CCSER1: variants seen among roughly 807,000 people sequenced by gnomAD.
The protein encoded by CCSER1 is coiled-coil serine rich protein 1.
Under a neutral mutation model 82.0 loss-of-function variants are expected in CCSER1, and 41 were observed. The ratio of observed to expected loss-of-function variants is 0.50; its 90% CI spans 0.39 to 0.65. CCSER1 has a LOEUF of 0.65. Among genes scored for constraint, CCSER1 ranks in the 30% least tolerant of loss-of-function variants. The pLI is 0.00. For missense variants in CCSER1, 1,119 were observed against 1,064.2 expected (o/e 1.05, Z -0.72); for synonymous variants, 414 against 383.9 (o/e 1.08, Z -0.92).
chr4:90,146,751 T>C (rs930978855), intron 1 of CCSER1, among the ~76,000 whole-genome samples: 10 of 152,124 alleles, frequency 6.6e-5, no homozygotes, highest in African/African-American at 2.4e-4. Context: ...TGAAAATTTT[T>C]CACTAGAAGA....
At chr4:90,356,511 G>T (rs997826852) in intron 3 of CCSER1, among the ~76,000 whole-genome samples, 1 of 151,572 alleles carries the variant, frequency 6.6e-6, no homozygotes, top group Non-Finnish European at 1.5e-5. Flanking sequence ...ACATTTATTA[G>T]CTATTTGACA....
chr4:90,389,433 A>C (rs1434119336), intron 3 of CCSER1, among the ~76,000 whole-genome samples: 1 of 152,224 alleles, frequency 6.6e-6, no homozygotes, highest in African/African-American at 2.4e-5. Flanking sequence ...TAACCAACAT[A>C]TTATAAAAAA....
chr4:90,305,042 T>G (rs1733996790), intron 1 of CCSER1, among the ~76,000 whole-genome samples: 1 of 151,634 alleles, frequency 6.6e-6, no homozygotes, highest in African/African-American at 2.4e-5. Context: ...TCAGCCTCCC[T>G]AGTAGCTGGG....
intron 1 of CCSER1, among the ~76,000 whole-genome samples, chr4:90,284,713 G>T (rs1729547956): frequency 6.6e-6 from 1 of 151,816 alleles, no homozygotes; most frequent in Non-Finnish European, 1.5e-5. Flanking sequence ...GGCTGGTCTT[G>T]AACTGCTGAG....
chr4:90,652,696 A>G, intron 6 of CCSER1, among the ~76,000 whole-genome samples: 1 of 152,224 alleles, frequency 6.6e-6, no homozygotes, highest in Non-Finnish European at 1.5e-5. Flanking sequence ...ACTTACAAGC[A>G]TAATGACAAG....
At chr4:91,335,761 G>A (rs1747277743) in intron 10 of CCSER1, among the ~76,000 whole-genome samples, 1 of 151,946 alleles carries the variant, frequency 6.6e-6, no homozygotes, top group African/African-American at 2.4e-5. Context: ...GAAAATGGTG[G>A]CCATTTCTTT....
At chr4:90,484,797 C>T (rs996227387) in intron 5 of CCSER1, among the ~76,000 whole-genome samples, 1 of 152,170 alleles carries the variant, frequency 6.6e-6, no homozygotes, top group Non-Finnish European at 1.5e-5. Flanking sequence ...CTGGGGGGTT[C>T]CTCCCAGTTA....
chr4:91,243,437 G>A (rs1451129454), intron 10 of CCSER1, among the ~76,000 whole-genome samples: 1 of 152,190 alleles, frequency 6.6e-6, no homozygotes, highest in Non-Finnish European at 1.5e-5. Context: ...TGCTGGCACA[G>A]CTAAGGGAGT....
At chr4:90,567,214 C>T (rs931656943) in intron 5 of CCSER1, among the ~76,000 whole-genome samples, 5 of 151,338 alleles carry the variant, frequency 3.3e-5, no homozygotes, top group East Asian at 3.9e-4. Flanking sequence ...TTTTTGATGT[C>T]GGTGTTTCTT....
chr4:90,683,852 A>G (rs1452436293), intron 6 of CCSER1, among the ~76,000 whole-genome samples: 1 of 152,156 alleles, frequency 6.6e-6, no homozygotes, highest in Non-Finnish European at 1.5e-5. Flanking sequence ...ACAATAGTCT[A>G]AAATTGTCTT....
At chr4:90,621,549 C>T (rs1442845980) in intron 5 of CCSER1, among the ~76,000 whole-genome samples, 1 of 151,172 alleles carries the variant, frequency 6.6e-6, no homozygotes, top group African/African-American at 2.4e-5. Context: ...TTTAATAGAC[C>T]TTGAACATAT....
chr4:90,376,082 CAT>C (rs1298072178), intron 3 of CCSER1, among the ~76,000 whole-genome samples: 6 of 152,112 alleles, frequency 3.9e-5, no homozygotes, highest in Non-Finnish European at 5.9e-5. Context: ...AAAACACAGT[CAT>C]ATGCATTATA....
At chr4:90,775,112 A>T (rs1249352286) in intron 7 of CCSER1, among the ~76,000 whole-genome samples, 1 of 152,150 alleles carries the variant, frequency 6.6e-6, no homozygotes, top group Non-Finnish European at 1.5e-5. Flanking sequence ...ATTGTAACAT[A>T]ATGACTCTTC....
In CCSER1 at chr4:91,312,731, T is replaced by C. The variant is rs373591786; in HGVS notation, c.2217+226737T>C. ...TTCATTGTAAGTCGAAATTTCTTAA[T>C]GGGTCCAATGTACATTATTCAGGTG... On this transcript the variant is annotated intron_variant, in intron 10 of 10. Coordinates refer to ENST00000509176, the MANE Select transcript of CCSER1 (RefSeq NM_001145065.2). Among the ~76,000 whole-genome samples, 116 of 152,062 alleles carry C rather than the reference T, an allele frequency of 7.6e-4. 1 individual carries two copies. The South Asian group carries it at 7.9e-3, about 10-fold the overall frequency.
intron 5 of CCSER1, among the ~76,000 whole-genome samples, chr4:90,478,737 T>A (rs1364807209): frequency 6.6e-6 from 1 of 151,388 alleles, no homozygotes; most frequent in Admixed American, 6.6e-5. Context: ...CTTTCTTTTT[T>A]TTTTTTTTTT....
intron 10 of CCSER1, among the ~76,000 whole-genome samples, chr4:91,560,578 A>C (rs953562726): frequency 4.6e-5 from 7 of 151,520 alleles, no homozygotes; most frequent in Non-Finnish European, 8.9e-5. Context: ...GTCAAGTTGC[A>C]GGTCAATTTT....
chr4:91,467,670 C>A (rs775671222), intron 10 of CCSER1, among the ~76,000 whole-genome samples: 1 of 152,136 alleles, frequency 6.6e-6, no homozygotes, highest in Non-Finnish European at 1.5e-5. Flanking sequence ...AAACAAACAA[C>A]CCCATCAAAA....
chr4:90,490,171 T>G (rs1370506412), intron 5 of CCSER1, among the ~76,000 whole-genome samples: 1 of 152,120 alleles, frequency 6.6e-6, no homozygotes, highest in Non-Finnish European at 1.5e-5. Flanking sequence ...CTCCACATCC[T>G]CTCCAGCACC....
intron 3 of CCSER1, among the ~76,000 whole-genome samples, chr4:90,330,068 T>C (rs1193338819): frequency 6.6e-6 from 1 of 152,144 alleles, no homozygotes; most frequent in Non-Finnish European, 1.5e-5. Context: ...AGAATAAATT[T>C]TGAACGTAGT....
Sources: gnomAD v4.1 joint callset for allele counts (sites outside exome capture counted in the v4.1 genomes callset) on GRCh38, gnomAD v4.1.1 for gene constraint, MANE v1.5 for transcripts, NCBI Gene and HGNC (gene_info 2026-07-23, HGNC 2026-07-21) for gene names.